Variants in CNTN5 observed in about 807,000 individuals in gnomAD.
CNTN5 encodes contactin-5.
In CNTN5, 77 loss-of-function variants were observed where a neutral mutation model predicts 129.1. The observed-to-expected ratio is 0.60, with a 90% CI of 0.50 to 0.72. CNTN5 has a LOEUF of 0.72. Among genes scored for constraint, CNTN5 ranks in the 30% least tolerant of loss-of-function variants. The pLI, the probability that CNTN5 is intolerant of heterozygous loss-of-function variation, is 0.00. For synonymous variants in CNTN5, 509 were observed against 465.6 expected (o/e 1.09, Z -1.20); for missense variants, 1,478 against 1,328.8 (o/e 1.11, Z -1.75).
At chr11:99,287,000 C>T (rs1395640082) in intron 1 of CNTN5, among the ~76,000 whole-genome samples, 1 of 152,100 alleles carries the variant, frequency 6.6e-6, no homozygotes, top group Non-Finnish European at 1.5e-5. Context: ...TCAACAATAC[C>T]TTTAAAATTC....
At chr11:99,291,436 T>TA (rs1398765353) in intron 1 of CNTN5, among the ~76,000 whole-genome samples, 2 of 151,878 alleles carry the variant, frequency 1.3e-5, no homozygotes, top group African/African-American at 4.8e-5. Flanking sequence ...TGCTGTGTCT[T>TA]ATAGGAGTTG....
intron 2 of CNTN5, among the ~76,000 whole-genome samples, chr11:99,488,263 C>G (rs1565225017): frequency 6.6e-6 from 1 of 150,854 alleles, no homozygotes; most frequent in Non-Finnish European, 1.5e-5. Flanking sequence ...ACCTCCATCT[C>G]CTGGGTTCAA....
intron 1 of CNTN5, among the ~76,000 whole-genome samples, chr11:99,259,831 T>C (rs562783464): frequency 1.3e-5 from 2 of 152,016 alleles, no homozygotes; most frequent in Non-Finnish European, 2.9e-5. Flanking sequence ...TCCAGACTCA[T>C]GTGGTATAAA....
At chr11:99,861,343 G>A (rs1948202007) in intron 6 of CNTN5, among the ~76,000 whole-genome samples, 1 of 152,104 alleles carries the variant, frequency 6.6e-6, no homozygotes, top group African/African-American at 2.4e-5. Flanking sequence ...TTGGTTAGAT[G>A]TATTCCGAAG....
intron 3 of CNTN5, among the ~76,000 whole-genome samples, chr11:99,772,733 T>C (rs555181448): frequency 5.3e-5 from 8 of 152,250 alleles, no homozygotes; most frequent in Admixed American, 1.3e-4. Flanking sequence ...CAGGGAGTTG[T>C]ATTCCCTGAT....
intron 9 of CNTN5, among the ~76,000 whole-genome samples, chr11:100,010,627 G>C (rs960419616): frequency 3.5e-5 from 5 of 142,002 alleles, no homozygotes; most frequent in Admixed American, 2.1e-4. Flanking sequence ...GTAGAAATGT[G>C]GTTTTCAGAA....
intron 7 of CNTN5, among the ~76,000 whole-genome samples, chr11:99,955,014 G>A (rs1054561181): frequency 6.6e-6 from 1 of 152,004 alleles, no homozygotes; most frequent in South Asian, 2.1e-4. Flanking sequence ...AACAGAAACA[G>A]TATTTTTAAA....
chr11:99,673,385 G>A (rs1180134856), intron 3 of CNTN5, among the ~76,000 whole-genome samples: 1 of 152,156 alleles, frequency 6.6e-6, no homozygotes, highest in African/African-American at 2.4e-5. Flanking sequence ...CAGAGTCATG[G>A]TACGGATTCA....
chr11:99,843,448 AT>A lies in CNTN5; in HGVS notation c.278-1395del, dbSNP rs892800644. On this transcript the variant is annotated intron_variant, in intron 4 of 24. Coordinates refer to ENST00000524871, the MANE Select transcript of CNTN5 (RefSeq NM_014361.4). ...TATAAGGTGTACATCTTTTCCCAGA[AT>A]TTTTTTTTAGCTCAAATTTCCTGGA... Among the ~76,000 whole-genome samples, 42 of 151,416 alleles carry A rather than the reference AT, an allele frequency of 2.8e-4. 1 individual carries two copies. The highest frequency in any genetic ancestry group is 6.6e-4 in the Admixed American group (10 of 15,182).
intron 1 of CNTN5, among the ~76,000 whole-genome samples, chr11:99,218,950 G>C (rs1485038357): frequency 6.6e-6 from 1 of 151,962 alleles, no homozygotes; most frequent in Non-Finnish European, 1.5e-5. Context: ...CATACATTGA[G>C]GAAATCAGTA....
intron 8 of CNTN5, among the ~76,000 whole-genome samples, chr11:99,984,963 C>A (rs1938580272): frequency 6.6e-6 from 1 of 152,158 alleles, no homozygotes; most frequent in African/African-American, 2.4e-5. Context: ...CCAGCCACTG[C>A]TCCAGGTGCT....
intron 13 of CNTN5, among the ~76,000 whole-genome samples, chr11:100,114,853 C>G (rs1248880990): frequency 6.6e-6 from 1 of 151,952 alleles, no homozygotes; most frequent in Non-Finnish European, 1.5e-5. Flanking sequence ...TAAATTAATT[C>G]ATTTAATACT....
At chr11:100,004,838 A>C (rs1940092655) in intron 9 of CNTN5, among the ~76,000 whole-genome samples, 1 of 152,184 alleles carries the variant, frequency 6.6e-6, no homozygotes, top group Non-Finnish European at 1.5e-5. Flanking sequence ...CACAGCCTTT[A>C]TATAAGAACA....
chr11:99,462,184 T>C (rs139341940), intron 2 of CNTN5, among the ~76,000 whole-genome samples: 2,876 of 152,240 alleles, frequency 0.019, 39 homozygotes, highest in Middle Eastern at 0.051. Flanking sequence ...TTAATTCTAC[T>C]AAACCACTGA....
chr11:99,126,846 T>G (rs17133100), intron 1 of CNTN5, among the ~76,000 whole-genome samples: 10,124 of 152,258 alleles, frequency 0.066, 854 homozygotes, highest in East Asian at 0.35. Context: ...TATCTTCCAC[T>G]GGATGTCAGT....
chr11:99,978,553 T>G (rs1036650242), intron 8 of CNTN5, among the ~76,000 whole-genome samples: 2 of 152,190 alleles, frequency 1.3e-5, no homozygotes, highest in Non-Finnish European at 2.9e-5. Flanking sequence ...TTTTTTATGT[T>G]TAGGCACAAA....
intron 3 of CNTN5, among the ~76,000 whole-genome samples, chr11:99,615,997 A>G (rs756754679): frequency 1.3e-5 from 2 of 152,036 alleles, no homozygotes; most frequent in Non-Finnish European, 2.9e-5. Context: ...CGGCCTCTCA[A>G]TGTGTTGGGA....
intron 3 of CNTN5, among the ~76,000 whole-genome samples, chr11:99,661,177 A>AC (rs1952579839): frequency 6.6e-6 from 1 of 152,276 alleles, no homozygotes; most frequent in Non-Finnish European, 1.5e-5. Flanking sequence ...AAGGTCAAGC[A>AC]CACAAATGGT....
intron 2 of CNTN5, among the ~76,000 whole-genome samples, chr11:99,475,945 C>T (rs1231020484): frequency 1.3e-5 from 2 of 152,014 alleles, no homozygotes; most frequent in Admixed American, 6.6e-5. Flanking sequence ...TCACGTGGAA[C>T]TTTATTCTGC....
Sources: gnomAD v4.1 joint callset for allele counts (sites outside exome capture counted in the v4.1 genomes callset) on GRCh38, gnomAD v4.1.1 for gene constraint, MANE v1.5 for transcripts, NCBI Gene and HGNC (gene_info 2026-07-23, HGNC 2026-07-21) for gene names.